GBF1: variants seen among roughly 807,000 people sequenced by gnomAD.
GBF1 encodes the protein Golgi-specific brefeldin A-resistance guanine nucleotide exchange factor 1.
GBF1 carries 114 observed loss-of-function variants against 210.5 expected under a neutral mutation model. That is an observed-to-expected ratio of 0.54 (90% confidence interval 0.47 to 0.63). GBF1 has a LOEUF of 0.63. Among genes scored for constraint, GBF1 ranks in the 30% least tolerant of loss-of-function variants. The probability of loss-of-function intolerance (pLI) is 0.00; values close to 1 mark genes in which losing one functional copy is unlikely to be tolerated. For missense variants in GBF1, 1,851 were observed against 2,357.7 expected (o/e 0.79, Z 4.45); for synonymous variants, 850 against 889.2 (o/e 0.96, Z 0.78).
chr10:102,329,182 T>TTTAAGAGTATTTAAGAGAACTAGTATTTA (rs2057139053), intron 3 of GBF1, among the ~76,000 whole-genome samples: 5 of 152,336 alleles, frequency 3.3e-5, no homozygotes, highest in Non-Finnish European at 5.9e-5. Flanking sequence ...TTAAGGTTGA[T>TTTAAGAGTATTTAAGAGAACTAGTATTTA]ACGCATCAAA....
upstream of GBF1, among the ~76,000 whole-genome samples, chr10:102,244,793 C>T (rs1435225508): frequency 6.6e-6 from 1 of 152,190 alleles, no homozygotes. Context: ...CTGCTATTTA[C>T]TAATTATGTG....
chr10:102,352,121 G>A (rs1345848956), intron 6 of GBF1, among the ~76,000 whole-genome samples, 170 bp downstream of exon 6: 2 of 152,336 alleles, frequency 1.3e-5, no homozygotes, highest in East Asian at 3.9e-4. Context: ...TGTGAAGCTA[G>A]AATAGAGACC....
At chr10:102,293,764 G>GTTTTTTTTTTTTATTTTTTTT (rs1263151407) in intron 3 of GBF1, among the ~76,000 whole-genome samples, 1 of 50,888 alleles carries the variant, frequency 2.0e-5, no homozygotes, top group South Asian at 9.8e-4. Flanking sequence ...GCTGTAGTAT[G>GTTTTTTTTTTTTATTTTTTTT]TTTTGTGTTT....
At chr10:102,342,366 G>A (rs972883024) in intron 3 of GBF1, among the ~76,000 whole-genome samples, 5 of 151,460 alleles carry the variant, frequency 3.3e-5, no homozygotes, top group South Asian at 2.1e-4. Flanking sequence ...AGTACGTTAT[G>A]TATTTCAGTT....
rs771420322 is a variant in GBF1 at position 102,370,688 on chromosome 10, T to G, written c.3507-19T>G. The G allele has an allele frequency of 6.2e-7, 1 of 1,612,238 alleles. No homozygotes were observed. On this transcript the variant is annotated intron_variant, in intron 28 of 39. Transcript: ENST00000369983. ...GCCCCTCTGGCTGAGACTATCTTCA[T>G]TCCTTTATGTCTACACAGGGATCGT...
chr10:102,360,180 C>T lies in GBF1; in HGVS notation c.1181-4C>T. The T allele has an allele frequency of 6.2e-7, 1 of 1,603,986 alleles. No homozygotes were observed. Among genetic ancestry groups the T allele is most frequent in the Non-Finnish European group, 8.5e-7 (1 of 1,170,764 alleles). On this transcript the variant is annotated splice_polypyrimidine_tract_variant and splice_region_variant and intron_variant, in intron 11 of 39. Transcript: ENST00000369983. ...AGTCTCACTCTCCTCCTGGCCTTCC[C>T]CAGGCACAGCTTTGGTCCCCTATGG...
intron 3 of GBF1, among the ~76,000 whole-genome samples, chr10:102,279,493 C>G (rs1474599513): frequency 6.6e-6 from 1 of 152,128 alleles, no homozygotes; most frequent in East Asian, 1.9e-4. Flanking sequence ...TCCACTTAAG[C>G]TTTAACAAAA....
Position 102,274,699 on chromosome 10 carries a change from A to ATTTTTTTT in GBF1, c.163+14606_163+14613dup, listed in dbSNP as rs1174743189. 6.1e-4 allele frequency among the ~76,000 whole-genome samples: 44 copies of ATTTTTTTT among 71,726 alleles called. 5 individuals are homozygous for ATTTTTTTT. Among genetic ancestry groups the ATTTTTTTT allele is most frequent in the African/African-American group, 1.5e-3 (23 of 15,376 alleles). 47.1% of individuals were successfully genotyped at this position (71,726 alleles called of 152,430 possible). A position where few individuals can be genotyped will look rare whatever the true frequency, so the allele number is the denominator to read the frequency against. On this transcript the variant is annotated intron_variant, in intron 3 of 39. Coordinates refer to ENST00000369983, the MANE Select transcript of GBF1 (RefSeq NM_001377137.1). Reference sequence around the variant, plus strand: ...TGAAGTCTACAGGTGCAAAACAAAGATTTTTTTTTTTTTTTTTTTTTTTTT... The same window carrying ATTTTTTTT: ...TGAAGTCTACAGGTGCAAAACAAAGATTTTTTTTTTTTTTTTTTTTTTTTTTTTTTTTT...
Position 102,358,666 on chromosome 10 carries a change from G to T in GBF1, c.948G>T (p.Gly316=). 1.2e-6 allele frequency: 2 copies of T among 1,614,042 alleles called. No individual in the cohort carries two copies. The highest frequency in any genetic ancestry group is 1.7e-6 in the Non-Finnish European group (2 of 1,179,932). ...LTDLEQPGSP[G]YSTATEPGSS... Reference sequence around the variant, plus strand: ...ATCTAGAGCAACCTGGCTCTCCAGGGTACAGCACAGCTACAGAGCCTGGAA... The same window carrying T: ...ATCTAGAGCAACCTGGCTCTCCAGGTTACAGCACAGCTACAGAGCCTGGAA... The change falls in exon 10 of 40, where the codon GGG becomes GGT. Residue 316 remains glycine (G), a synonymous_variant. Transcript: ENST00000369983.
At chr10:102,329,960 A>G (rs2057213881) in intron 3 of GBF1, among the ~76,000 whole-genome samples, 1 of 152,116 alleles carries the variant, frequency 6.6e-6, no homozygotes. Context: ...AATTTAAAAA[A>G]TTAGCTGGGC....
the GBF1 span, chr10:102,232,178 C>A: frequency 1.3e-6 from 1 of 766,404 alleles, no homozygotes; most frequent in Non-Finnish European, 2.2e-6. Context: ...CTCGTAAATT[C>A]CCTGGCGCCT....
intron 3 of GBF1, among the ~76,000 whole-genome samples, chr10:102,283,088 G>T (rs947678764): frequency 1.3e-5 from 2 of 152,126 alleles, no homozygotes; most frequent in Admixed American, 1.3e-4. Context: ...CACTCATCTT[G>T]CCCAGAGAAG....
chr10:102,345,322 T>C (rs1284631345), intron 4 of GBF1, among the ~76,000 whole-genome samples: 14 of 148,066 alleles, frequency 9.5e-5, no homozygotes, highest in African/African-American at 1.2e-4. Context: ...GAAATAAAAA[T>C]AGGATTATGT....
chr10:102,255,944 C>T (rs1259800224), intron 1 of GBF1, among the ~76,000 whole-genome samples: 2 of 152,102 alleles, frequency 1.3e-5, no homozygotes, highest in Non-Finnish European at 2.9e-5. Context: ...TGGGCATGGA[C>T]ACATTATTAT....
chr10:102,241,684 C>T (rs941577203), upstream of GBF1, among the ~76,000 whole-genome samples: 6 of 152,238 alleles, frequency 3.9e-5, no homozygotes, highest in Non-Finnish European at 5.9e-5. This position sits in a 1 kb window ranked among gnomAD's most constrained non-coding sequence, Gnocchi z 6.7. Context: ...GCCGGCGAGA[C>T]GCCAAGAACC....
Position 102,361,724 on chromosome 10 carries a change from A to G in GBF1, c.1498A>G (p.Ile500Val), listed in dbSNP as rs1197667682. Residue 500 changes from isoleucine to valine, a missense_variant, in exon 14 of 40, where the codon ATC (isoleucine) becomes GTC (valine). Ile to Val is a conservative substitution (Grantham distance 29). This residue lies in a region of GBF1 where 804 missense variants were observed against 958.6 expected (regional missense o/e 0.84). Coordinates refer to ENST00000369983, the MANE Select transcript of GBF1 (RefSeq NM_001377137.1). ...ATTACTGGGTTATTGCCAGATGTACATCAAAAAGCTTATGGAGATCATCAC... is the reference window on the plus strand; with the variant it reads ...ATTACTGGGTTATTGCCAGATGTACGTCAAAAAGCTTATGGAGATCATCAC... ...EHLKFQMEMY[I>V]KKLMEIITVE... 2 of 1,574,870 alleles carry G rather than the reference A, an allele frequency of 1.3e-6. No homozygotes were observed. The highest frequency in any genetic ancestry group is 1.4e-5 in the African/African-American group (1 of 73,262).
At chr10:102,329,554 C>G (rs568748337) in intron 3 of GBF1, among the ~76,000 whole-genome samples, 324 of 152,212 alleles carry the variant, frequency 2.1e-3, no homozygotes, top group Non-Finnish European at 3.6e-3. Context: ...AGCTCCGCCT[C>G]CCAGGTTCAC....
chr10:102,289,880 C>T (rs1358148462), intron 3 of GBF1, among the ~76,000 whole-genome samples: 3 of 152,068 alleles, frequency 2.0e-5, no homozygotes, highest in East Asian at 1.9e-4. Context: ...GAGGCCTAGG[C>T]GGGAGGATTG....
At chr10:102,362,125 C>T (rs1021413593) in intron 14 of GBF1, among the ~76,000 whole-genome samples, 5 of 137,320 alleles carry the variant, frequency 3.6e-5, no homozygotes, top group East Asian at 2.1e-4. Context: ...GGCGCGATCT[C>T]GGCTCACTGC....
Sources: gnomAD v4.1 joint callset for allele counts (sites outside exome capture counted in the v4.1 genomes callset) on GRCh38, gnomAD v4.1.1 for gene constraint, gnomAD v4.1.1 regional missense constraint, Gnocchi (gnomAD v3.1) non-coding constraint, MANE v1.5 for transcripts, NCBI Gene and HGNC (gene_info 2026-07-23, HGNC 2026-07-21) for gene names.